The following ZNF609 variants were observed in gnomAD, a reference collection of about 807,000 sequenced individuals.
ZNF609 encodes the protein zinc finger protein 609.
In ZNF609, 11 loss-of-function variants were observed where a neutral mutation model predicts 109.5. The ratio of observed to expected loss-of-function variants is 0.10; its 90% CI spans 0.06 to 0.17. The LOEUF is 0.17. Ranked by LOEUF, ZNF609 falls within the 10% of genes least tolerant of loss-of-function variation. ZNF609 has a pLI of 1.00. For missense variants in ZNF609, 1,559 were observed against 1,772.4 expected (o/e 0.88, Z 2.16); for synonymous variants, 646 against 662.0 (o/e 0.98, Z 0.37).
intron 3 of ZNF609, among the ~76,000 whole-genome samples, chr15:64,663,674 C>T (rs1385508481): frequency 6.6e-6 from 1 of 151,900 alleles, no homozygotes; most frequent in East Asian, 1.9e-4. Context: ...TTCTGGAAGC[C>T]AAGTGAAGGA....
At chr15:64,509,144 A>G (rs1893681174) in intron 2 of ZNF609, among the ~76,000 whole-genome samples, 1 of 152,228 alleles carries the variant, frequency 6.6e-6, no homozygotes, top group African/African-American at 2.4e-5. Flanking sequence ...GGCAGTAGGT[A>G]TGATTTTTTT....
At chr15:64,618,124 A>AT (rs1371207266) in intron 2 of ZNF609, among the ~76,000 whole-genome samples, 12 of 151,092 alleles carry the variant, frequency 7.9e-5, no homozygotes, top group South Asian at 2.1e-4. Flanking sequence ...TCCTTTTCTG[A>AT]TTTTTTTTTC....
At chr15:64,476,096 C>T (rs1340404097) in intron 1 of ZNF609, among the ~76,000 whole-genome samples, 1 of 152,114 alleles carries the variant, frequency 6.6e-6, no homozygotes, top group East Asian at 1.9e-4. Flanking sequence ...AGTGGTGATG[C>T]ATGGCAGGTG....
intron 2 of ZNF609, chr15:64,529,580 C>T (rs906051087): frequency 7.3e-7 from 1 of 1,365,038 alleles, no homozygotes; most frequent in Non-Finnish European, 1.0e-6. Context: ...TTGATGGCAA[C>T]AATATCCACT....
intron 2 of ZNF609, among the ~76,000 whole-genome samples, chr15:64,583,428 TC>T (rs1895145406): frequency 6.6e-6 from 1 of 152,118 alleles, no homozygotes; most frequent in African/African-American, 2.4e-5. Flanking sequence ...AGCTCTGTTT[TC>T]ATTGGTGGGG....
intron 3 of ZNF609, among the ~76,000 whole-genome samples, chr15:64,634,435 A>C (rs773161373): frequency 3.9e-5 from 6 of 152,182 alleles, no homozygotes; most frequent in Admixed American, 3.9e-4. Flanking sequence ...ACTAAAGGGA[A>C]GGGGCTCTCC....
chr15:64,625,936 T>TAGAGAGAG (rs36226491), intron 3 of ZNF609, among the ~76,000 whole-genome samples: 25 of 79,590 alleles, frequency 3.1e-4, no homozygotes, highest in African/African-American at 1.5e-3. Context: ...TATATATATA[T>TAGAGAGAG]AGAGAGAGAG....
At chr15:64,541,839 CAAAA>C (rs59597800) in intron 2 of ZNF609, among the ~76,000 whole-genome samples, 2 of 42,208 alleles carry the variant, frequency 4.7e-5, no homozygotes, top group Non-Finnish European at 1.0e-4. Flanking sequence ...GACTCCAACT[CAAAA>C]AAAAAAAAAA....
intron 1 of ZNF609, among the ~76,000 whole-genome samples, chr15:64,477,490 C>T (rs1405596554): frequency 1.3e-5 from 2 of 152,090 alleles, no homozygotes; most frequent in East Asian, 3.9e-4. Flanking sequence ...TTTCTTGTTA[C>T]CCTTTCCCTT....
intron 1 of ZNF609, among the ~76,000 whole-genome samples, chr15:64,491,301 T>G (rs1893408854): frequency 6.6e-6 from 1 of 152,218 alleles, no homozygotes; most frequent in Non-Finnish European, 1.5e-5. Context: ...ATGGTTTACA[T>G]GTTGTAGTAA....
intron 3 of ZNF609, among the ~76,000 whole-genome samples, chr15:64,635,031 A>C (rs1896153176): frequency 6.6e-6 from 1 of 152,208 alleles, no homozygotes; most frequent in South Asian, 2.1e-4. Flanking sequence ...ACCTTGGGAA[A>C]AATTTCAGTC....
chr15:64,580,961 T>G (rs1595726985), intron 2 of ZNF609, among the ~76,000 whole-genome samples: 1 of 135,260 alleles, frequency 7.4e-6, no homozygotes, highest in East Asian at 2.1e-4. Flanking sequence ...TCTTCTTTTT[T>G]TTTTTTTTTT....
rs1384497234 is a variant in ZNF609 at position 64,499,298 on chromosome 15, A to T, written c.-122A>T. 2 of 1,297,704 alleles carry T rather than the reference A, an allele frequency of 1.5e-6. No homozygotes were observed. The highest frequency in any genetic ancestry group is 2.1e-6 in the Non-Finnish European group (2 of 946,884). The allele number at this position is 1,297,704 out of a possible 1,614,324, so 80.4% of individuals were successfully genotyped here. ...TTTAAATTTTCTTTTTCCAGCAATGATGTTGTCCACTGGGCATGTACTGAC... is the reference window on the plus strand; with the variant it reads ...TTTAAATTTTCTTTTTCCAGCAATGTTGTTGTCCACTGGGCATGTACTGAC... On this transcript the variant is annotated 5_prime_UTR_variant, in exon 2 of 10. An upstream start codon of the reference 5' UTR is lost. Coordinates refer to ENST00000326648, the MANE Select transcript of ZNF609 (RefSeq NM_015042.2).
intron 2 of ZNF609, among the ~76,000 whole-genome samples, chr15:64,541,965 C>A (rs1894273229): frequency 2.0e-5 from 3 of 151,148 alleles, no homozygotes; most frequent in Admixed American, 6.6e-5. Flanking sequence ...CCTTTCTCTT[C>A]AGTGGATCTG....
At chr15:64,502,730 A>G (rs1350865180) in intron 2 of ZNF609, 1 of 152,248 alleles carries the variant, frequency 6.6e-6, no homozygotes, top group Non-Finnish European at 1.5e-5. Flanking sequence ...TCTGTGGTGC[A>G]GAGTAGCAGT....
chr15:64,627,663 C>CTTTT (rs35293725), intron 3 of ZNF609, among the ~76,000 whole-genome samples: 1,179 of 85,900 alleles, frequency 0.014, 41 homozygotes, highest in Admixed American at 0.02. Context: ...TTTTTTCTTT[C>CTTTT]TTTTTTTTTT....
At chr15:64,508,993 T>G (rs1003300400) in intron 2 of ZNF609, among the ~76,000 whole-genome samples, 7 of 152,160 alleles carry the variant, frequency 4.6e-5, no homozygotes, top group Non-Finnish European at 1.0e-4. Context: ...TGTGCCCAGC[T>G]GAGACCCAAC....
intron 1 of ZNF609, among the ~76,000 whole-genome samples, chr15:64,491,207 T>C (rs1010628465): frequency 2.6e-5 from 4 of 152,170 alleles, no homozygotes; most frequent in African/African-American, 9.7e-5. Flanking sequence ...GGAAATTCAT[T>C]TGATTAGCAA....
intron 3 of ZNF609, among the ~76,000 whole-genome samples, chr15:64,669,457 A>G (rs1361640882): frequency 2.0e-5 from 3 of 152,238 alleles, no homozygotes; most frequent in Admixed American, 6.5e-5. Flanking sequence ...GGAAGAATAT[A>G]TGAACATATT....
Sources: allele counts gnomAD v4.1 joint callset (sites outside exome capture counted in the v4.1 genomes callset), GRCh38; gene constraint gnomAD v4.1.1; transcripts MANE v1.5; gene names NCBI Gene and HGNC (gene_info 2026-07-23, HGNC 2026-07-21).